CCDC18: variants seen among roughly 807,000 people sequenced by gnomAD.
CCDC18 encodes the protein coiled-coil domain-containing protein 18.
Under a neutral mutation model 196.0 loss-of-function variants are expected in CCDC18, and 157 were observed. That is an observed-to-expected ratio of 0.80 (90% confidence interval 0.70 to 0.91). The LOEUF (loss-of-function observed/expected upper bound fraction) is 0.91, where lower values mean the gene tolerates loss of function less well. Among genes scored for constraint, CCDC18 ranks in the 40% least tolerant of loss-of-function variants. The pLI, the probability that CCDC18 is intolerant of heterozygous loss-of-function variation, is 0.00. For synonymous variants in CCDC18, 482 were observed against 529.2 expected (o/e 0.91, Z 1.22); for missense variants, 1,465 against 1,611.6 (o/e 0.91, Z 1.56).
At chr1:93,246,757 A>G in intron 22 of CCDC18, 81 bp from the exon 23 acceptor site, 1 of 693,216 alleles carries the variant, frequency 1.4e-6, no homozygotes, top group Non-Finnish European at 2.6e-6. Flanking sequence ...TACTTGCTAT[A>G]AACAATTACA....
chr1:93,184,678 T>G (rs770521005), intron 3 of CCDC18, among the ~76,000 whole-genome samples: 3 of 151,948 alleles, frequency 2.0e-5, no homozygotes, highest in African/African-American at 4.8e-5. Flanking sequence ...TCAACTCTTT[T>G]ATCTCCTTTT....
chr1:93,250,189 G>C (rs1281821561), intron 23 of CCDC18, among the ~76,000 whole-genome samples: 1 of 151,550 alleles, frequency 6.6e-6, no homozygotes, highest in African/African-American at 2.4e-5. Context: ...TGTGAGCCTG[G>C]GCAACATAGT....
chr1:93,230,119 A>G (rs1659005935), intron 17 of CCDC18, among the ~76,000 whole-genome samples: 1 of 151,944 alleles, frequency 6.6e-6, no homozygotes, highest in South Asian at 2.1e-4. Context: ...ATTTACTTCA[A>G]TTATAAAATA....
chr1:93,278,396 AGACTT>A (rs1665750509), intron 28 of CCDC18, 62 bp from the exon 29 acceptor site: 2 of 621,286 alleles, frequency 3.2e-6, no homozygotes, highest in Non-Finnish European at 5.2e-6. Context: ...TTATTATGGT[AGACTT>A]TTAATGCTAA....
chr1:93,271,099 CTG>C, intron 28 of CCDC18: 1 of 983,548 alleles, frequency 1.0e-6, no homozygotes, highest in Non-Finnish European at 1.2e-6. Flanking sequence ...AATTAAAAAA[CTG>C]AAAAAAAGAA....
intron 6 of CCDC18, among the ~76,000 whole-genome samples, chr1:93,195,800 T>G (rs1652629480): frequency 6.6e-6 from 1 of 152,220 alleles, no homozygotes; most frequent in Non-Finnish European, 1.5e-5. Context: ...CCTCCGGAAC[T>G]GTGAGAAATA....
At chr1:93,210,069 C>A (rs1655351585) in intron 9 of CCDC18, among the ~76,000 whole-genome samples, 1 of 151,998 alleles carries the variant, frequency 6.6e-6, no homozygotes, top group South Asian at 2.1e-4. Flanking sequence ...AAAAAAGAAT[C>A]ATTTGAGATA....
chr1:93,186,809 A>G (rs981853555), intron 4 of CCDC18, among the ~76,000 whole-genome samples: 1 of 152,044 alleles, frequency 6.6e-6, no homozygotes, highest in African/African-American at 2.4e-5. Context: ...CCCTTTTAAA[A>G]TAACACATTG....
At chr1:93,274,674 T>C (rs1665532169) in intron 28 of CCDC18, among the ~76,000 whole-genome samples, 1 of 151,230 alleles carries the variant, frequency 6.6e-6, no homozygotes, top group Non-Finnish European at 1.5e-5. Context: ...CAAGACCCGA[T>C]CTCTACAGAA....
At chr1:93,255,976 T>TATAATTATA (rs1364889852) in intron 24 of CCDC18, among the ~76,000 whole-genome samples, 1 of 152,248 alleles carries the variant, frequency 6.6e-6, no homozygotes, top group Non-Finnish European at 1.5e-5. Context: ...TACCAATATA[T>TATAATTATA]TCTCTGTCTT....
Position 93,212,249 on chromosome 1 carries a change from G to T in CCDC18, c.1483G>T (p.Gly495Cys). 1 of 1,581,930 alleles carries T rather than the reference G, an allele frequency of 6.3e-7. No homozygotes were observed. Among genetic ancestry groups the T allele is most frequent in the South Asian group, 1.2e-5 (1 of 83,646 alleles). ...AGAAACAGAACCTGTAAAGCTAGGT[G>T]GTCATCAAGTAGGTAAGTATATTGA... ...SLETEPVKLG[G>C]HQVAESVKDQ... is the part of the protein sequence containing the mutation. Residue 495 changes from glycine to cysteine, a missense_variant, in exon 11 of 29, where the codon GGT becomes TGT. Transcript: ENST00000690025.
In CCDC18 at chr1:93,261,017, A is replaced by G. The variant is rs992707270; in HGVS notation, c.3684+2132A>G. On this transcript the variant is annotated intron_variant, in intron 26 of 28. Coordinates refer to ENST00000690025, the MANE Select transcript of CCDC18 (RefSeq NM_001378204.1). Reference sequence around the variant, plus strand: ...CCACATTTTCTTTATCCAGTCTATTATTGATGGACATTTGGGTTGGTTCCA... The same window carrying G: ...CCACATTTTCTTTATCCAGTCTATTGTTGATGGACATTTGGGTTGGTTCCA... Among the ~76,000 whole-genome samples, 5 of 152,102 alleles carry G rather than the reference A, an allele frequency of 3.3e-5. 1 individual carries two copies. Among genetic ancestry groups the G allele is most frequent in the Non-Finnish European group, 5.9e-5 (4 of 68,030 alleles).
At chr1:93,265,251 C>CGGAA (rs1422566055) in intron 27 of CCDC18, among the ~76,000 whole-genome samples, 1 of 152,068 alleles carries the variant, frequency 6.6e-6, no homozygotes, top group African/African-American at 2.4e-5. Context: ...TCCTGTATTC[C>CGGAA]CAGCACTTCA....
intron 27 of CCDC18, 130 bp from the exon 28 acceptor site, chr1:93,270,217 C>G (rs1485690819): frequency 4.7e-6 from 3 of 631,776 alleles, no homozygotes; most frequent in Non-Finnish European, 5.5e-6. Context: ...TTGGAAAACT[C>G]TCAAGAATTA....
At position 93,264,863 on chromosome 1, in the gene CCDC18, G is replaced by A; in HGVS notation, c.3847G>A (p.Glu1283Lys). The change falls in exon 27 of 29, where the codon GAA becomes AAA. Residue 1283 changes from glutamate to lysine, a missense_variant. Glu to Lys is a moderately conservative substitution (Grantham distance 56). Coordinates refer to ENST00000690025, the MANE Select transcript of CCDC18 (RefSeq NM_001378204.1). ...GCATCAACAAGTCCAAGATAGGAAT[G>A]AAGTAATTGAAGCTGCAAATGAAGC... ...NLHQQVQDRN[E>K]VIEAANEALL... 1 of 1,613,100 alleles carries A rather than the reference G, an allele frequency of 6.2e-7. No homozygotes were observed. The highest frequency in any genetic ancestry group is 1.1e-5 in the South Asian group (1 of 91,042).
At chr1:93,266,445 G>C (rs961659329) in intron 27 of CCDC18, among the ~76,000 whole-genome samples, 4 of 152,192 alleles carry the variant, frequency 2.6e-5, no homozygotes, top group African/African-American at 9.7e-5. Flanking sequence ...AGTAAGATCA[G>C]AGCAGAACTG....
At chr1:93,272,482 C>G (rs1226888309) in intron 28 of CCDC18, among the ~76,000 whole-genome samples, 3 of 152,088 alleles carry the variant, frequency 2.0e-5, no homozygotes, top group African/African-American at 7.2e-5. Flanking sequence ...GAGAAGTAAT[C>G]AGTGAAATAG....
In CCDC18 at chr1:93,270,716, A is replaced by G; in HGVS notation, c.4255A>G (p.Asn1419Asp). ...YNLEADSSEN[N>D]DFNTLSGMLR... Reference sequence around the variant, plus strand: ...CCTAGAAGCTGATAGTTCTGAGAATAATGACTTTAACACGCTTAGTGGGAT... The same window carrying G: ...CCTAGAAGCTGATAGTTCTGAGAATGATGACTTTAACACGCTTAGTGGGAT... Residue 1419 changes from asparagine (N) to aspartate (D), a missense_variant, in exon 28 of 29, where the codon AAT (asparagine) becomes GAT (aspartate). Physicochemically the swap from Asn to Asp is conservative, Grantham distance 23 (BLOSUM62 1). Transcript: ENST00000690025. The G allele has an allele frequency of 6.5e-7, 1 of 1,550,342 alleles. No homozygotes were observed. Among genetic ancestry groups the G allele is most frequent in the East Asian group, 2.4e-5 (1 of 40,880 alleles).
intron 4 of CCDC18, chr1:93,190,947 C>G: frequency 1.1e-6 from 1 of 873,120 alleles, no homozygotes; most frequent in Non-Finnish European, 1.9e-6. Flanking sequence ...CATATCGACA[C>G]TTTCCCTGGG....
Sources: gnomAD v4.1 joint callset for allele counts (sites outside exome capture counted in the v4.1 genomes callset) on GRCh38, gnomAD v4.1.1 for gene constraint, MANE v1.5 for transcripts, NCBI Gene and HGNC (gene_info 2026-07-23, HGNC 2026-07-21) for gene names.